SHPRH: variants seen among roughly 807,000 people sequenced by gnomAD.
The protein encoded by SHPRH is E3 ubiquitin-protein ligase SHPRH.
A neutral mutation model predicts 202.5 loss-of-function variants in SHPRH; 106 were observed. The ratio of observed to expected loss-of-function variants is 0.52; its 90% CI spans 0.45 to 0.62. The LOEUF (loss-of-function observed/expected upper bound fraction) is 0.62, where lower values mean the gene tolerates loss of function less well. Among genes scored for constraint, SHPRH ranks in the 20% least tolerant of loss-of-function variants. The pLI, the probability that SHPRH is intolerant of heterozygous loss-of-function variation, is 0.00. For synonymous variants in SHPRH, 729 were observed against 686.0 expected (o/e 1.06, Z -0.98); for missense variants, 1,710 against 2,020.0 (o/e 0.85, Z 2.94).
chr6:145,934,507 T>TAAAATAAAATAAAAA (rs1554239366), intron 13 of SHPRH, among the ~76,000 whole-genome samples: 2 of 150,220 alleles, frequency 1.3e-5, no homozygotes, highest in African/African-American at 2.4e-5. Context: ...TAAAATAAAA[T>TAAAATAAAATAAAAA]AAAAAGTAGC....
At chr6:145,936,609 G>A (rs1324769773) in intron 11 of SHPRH, among the ~76,000 whole-genome samples, 1 of 152,072 alleles carries the variant, frequency 6.6e-6, no homozygotes, top group Non-Finnish European at 1.5e-5. Context: ...TTACAGGTGT[G>A]AGCCACCATG....
chr6:145,943,453 A>C lies in SHPRH; in HGVS notation c.1928T>G (p.Val643Gly). 3 of 1,614,060 alleles carry C rather than the reference A, an allele frequency of 1.9e-6. No individual in the cohort carries two copies. Among genetic ancestry groups the C allele is most frequent in the Non-Finnish European group, 2.5e-6 (3 of 1,179,958 alleles). Residue 643 changes from valine (V) to glycine (G), a missense_variant, in exon 9 of 30, where the codon GTA (valine) becomes GGA (glycine). By Grantham distance (109) the Val-to-Gly change is moderately radical (BLOSUM62 -3). Around this residue, in one of 8 missense-constraint regions of SHPRH, gnomAD observed 348 missense variants for 356.9 expected, o/e 0.97. Transcript: ENST00000275233. ...AESLNHADSD[V>G]PPSNTMSPFN... is the part of the protein sequence containing the mutation. ...GGGACTCATGGTATTAGAAGGTGGT[A>C]CATCACTATCAGCATGATTTAGAGA...
chr6:145,909,637 GAATT>G (rs577406692), intron 25 of SHPRH: 14 of 151,912 alleles, frequency 9.2e-5, no homozygotes, highest in Non-Finnish European at 2.1e-4. Flanking sequence ...AACTCAGAAG[GAATT>G]AATAAAGAAT....
intron 2 of SHPRH, among the ~76,000 whole-genome samples, chr6:145,865,346 G>A (rs914460372): frequency 6.6e-5 from 10 of 152,164 alleles, no homozygotes; most frequent in African/African-American, 2.2e-4. Context: ...TTTCCCATGT[G>A]AGGACATAGA....
At position 145,921,032 on chromosome 6, in the gene SHPRH, C is replaced by T. The variant is rs557437501; in HGVS notation, c.4008+135G>A. 3 of 677,584 alleles carry T rather than the reference C, an allele frequency of 4.4e-6. No individual in the cohort carries two copies. In the South Asian group the frequency reaches 6.1e-5, roughly 14 times the overall value. 42.0% of individuals were successfully genotyped at this position (677,584 alleles called of 1,614,324 possible). ...ATCCTTTATTACAACAGTTACATTT[C>T]AGGCAAAGAGAAATTATGCCACCTC... On this transcript the variant is annotated intron_variant, in intron 21 of 29. Transcript: ENST00000275233.
downstream of SHPRH, among the ~76,000 whole-genome samples, chr6:145,861,353 A>G (rs551254574): frequency 6.6e-6 from 1 of 152,268 alleles, no homozygotes; most frequent in South Asian, 2.1e-4. Flanking sequence ...TGTGTACAAC[A>G]TTACTAGTCA....
rs533739185 is a variant in SHPRH at position 145,943,161 on chromosome 6, C to T, written c.2220G>A (p.Ser740=). The change falls in exon 9 of 30, where the codon TCG becomes TCA. Residue 740 remains serine (S), a synonymous_variant. Transcript: ENST00000275233. The part of the protein sequence containing the change: ...WVDEINRHVR[S]SSLRVLVYQG... ...GCCTTACCAAGACTCGAAGAGATGA[C>T]GACCTCACATGCCTGTTGATCTCAT... is the stretch of plus-strand genomic sequence containing the variant. The T allele has an allele frequency of 2.4e-5, 38 of 1,598,040 alleles. No individual in the cohort carries two copies. Among genetic ancestry groups the T allele is most frequent in the South Asian group, 1.2e-4 (11 of 88,588 alleles).
intron 1 of SHPRH, among the ~76,000 whole-genome samples, chr6:145,955,721 A>G (rs1788439021): frequency 6.6e-6 from 1 of 152,160 alleles, no homozygotes; most frequent in South Asian, 2.1e-4. Context: ...TACTTAAAAG[A>G]GCGAAACAAA....
At chr6:145,920,626 G>A (rs1013439875) in intron 21 of SHPRH, among the ~76,000 whole-genome samples, 1 of 151,904 alleles carries the variant, frequency 6.6e-6, no homozygotes. Flanking sequence ...GCAGTACAAT[G>A]GATAACTAAT....
chr6:145,921,715 A>G (rs1784447071), intron 20 of SHPRH, among the ~76,000 whole-genome samples: 1 of 152,052 alleles, frequency 6.6e-6, no homozygotes, highest in African/African-American at 2.4e-5. Context: ...GTTGGAGATA[A>G]ATAAACAGAA....
At chr6:145,861,652 C>T (rs1265538255), downstream of SHPRH, among the ~76,000 whole-genome samples, 1 of 152,168 alleles carries the variant, frequency 6.6e-6, no homozygotes, top group African/African-American at 2.4e-5. Flanking sequence ...CTCCCATATT[C>T]GTTGCAGCAT....
In SHPRH at chr6:145,867,631, T is replaced by TATAGAG. The variant is rs1554220329; in HGVS notation, c.222-3141_222-3140insCTCTAT. On this transcript the variant is annotated intron_variant, in intron 2 of 2. Coordinates refer to the SHPRH transcript ENST00000417762. ...ATATATATATATATATATATATATATAGAGAGAGAGAGAGAGAGAGAGAGA... is the reference window on the plus strand; with the variant it reads ...ATATATATATATATATATATATATATATAGAGAGAGAGAGAGAGAGAGAGAGAGAGA... Among the ~76,000 whole-genome samples, 114 of 22,316 alleles carry TATAGAG rather than the reference T, an allele frequency of 5.1e-3. 1 individual carries two copies. Among genetic ancestry groups the TATAGAG allele is most frequent in the East Asian group, 7.2e-3 (4 of 554 alleles). The allele number at this position is 22,316 out of a possible 152,430, so 14.6% of individuals were successfully genotyped here.
At chr6:145,858,024 T>C in the SHPRH span, among the ~76,000 whole-genome samples, 5 of 152,254 alleles carry the variant, frequency 3.3e-5, no homozygotes, top group East Asian at 9.6e-4. Context: ...GATACCACTA[T>C]AGCCCTAGTA....
chr6:145,887,673 C>T lies in SHPRH; in HGVS notation c.4955+347G>A, dbSNP rs117024089. On this transcript the variant is annotated intron_variant, in intron 29 of 29. Coordinates refer to ENST00000275233, the MANE Select transcript of SHPRH (RefSeq NM_001042683.3). Reference sequence around the variant, plus strand: ...GCTTCAGCCTCCCGACTAGCTAAGACTATGGTGCGTGTCACCATGCCTGGC... The same window carrying T: ...GCTTCAGCCTCCCGACTAGCTAAGATTATGGTGCGTGTCACCATGCCTGGC... Among the ~76,000 whole-genome samples the T allele has an allele frequency of 4.2e-3, 633 of 151,870 alleles. 18 individuals are homozygous for T. In the East Asian group the frequency reaches 0.072, roughly 17 times the overall value.
chr6:145,859,253 A>G (rs570526355), downstream of SHPRH, among the ~76,000 whole-genome samples: 3 of 152,116 alleles, frequency 2.0e-5, no homozygotes, highest in South Asian at 6.2e-4. Flanking sequence ...TTAACCTGTG[A>G]TATTAATTGT....
chr6:145,927,155 A>G, intron 15 of SHPRH, 34 bp downstream of exon 15: 1 of 1,580,696 alleles, frequency 6.3e-7, no homozygotes, highest in South Asian at 1.1e-5. Flanking sequence ...AAAAACAAAC[A>G]GAATACCTAT....
chr6:145,907,987 C>T (rs1259427721), intron 25 of SHPRH: 1 of 152,054 alleles, frequency 6.6e-6, no homozygotes, highest in Non-Finnish European at 1.5e-5. Context: ...TCTCAGTGTT[C>T]AACTCCCACT....
intron 27 of SHPRH, 77 bp from the exon 28 acceptor site, chr6:145,893,470 A>AC: frequency 1.5e-6 from 2 of 1,304,912 alleles, no homozygotes; most frequent in Non-Finnish European, 2.0e-6. Flanking sequence ...CACTTTAAAG[A>AC]TGTCTAATGC....
At chr6:145,912,080 A>G (rs1039681343) in intron 24 of SHPRH, among the ~76,000 whole-genome samples, 38 of 151,064 alleles carry the variant, frequency 2.5e-4, no homozygotes, top group African/African-American at 9.1e-4. Context: ...TACATGTGCA[A>G]TGGAGAAGAA....
Sources: gnomAD v4.1 joint callset for allele counts (sites outside exome capture counted in the v4.1 genomes callset) on GRCh38, gnomAD v4.1.1 for gene constraint, gnomAD v4.1.1 regional missense constraint, MANE v1.5 for transcripts, NCBI Gene and HGNC (gene_info 2026-07-23, HGNC 2026-07-21) for gene names.